NAV3: variants seen among roughly 807,000 people sequenced by gnomAD.
The protein encoded by NAV3 is pore membrane and/or filament interacting like protein 1.
A neutral mutation model predicts 244.7 loss-of-function variants in NAV3; 87 were observed. That is an observed-to-expected ratio of 0.36 (90% CI 0.30 to 0.42). The LOEUF is 0.42. NAV3 is among the 20% of genes least tolerant of loss of function. NAV3 has a pLI of 1.00. For synonymous variants in NAV3, 1,126 were observed against 1,042.2 expected, an observed-to-expected ratio of 1.08 and a Z score of -1.55; for missense variants, 2,663 against 2,893.3, an observed-to-expected ratio of 0.92 and a Z score of 1.83.
chr12:77,767,044 G>A (rs917313113), intron 2 of NAV3, among the ~76,000 whole-genome samples: 3 of 152,048 alleles, frequency 2.0e-5, no homozygotes, highest in African/African-American at 4.8e-5. Flanking sequence ...GAGCCACTGT[G>A]CCCAGCCAAG....
In NAV3 at chr12:77,766,735, G is replaced by GTTTTTTTTT. The variant is rs748531378; in HGVS notation, c.73-173556_73-173548dup. ...AGGATTCTAAAAAACAGGCAATTAA[G>GTTTTTTTTT]TTTTTTTTTTTTTTTTTTTTTTTTT... On this transcript the variant is annotated intron_variant, in intron 2 of 8. Transcript: ENST00000550042. Among the ~76,000 whole-genome samples, 210 of 60,476 alleles carry GTTTTTTTTT rather than the reference G, an allele frequency of 3.5e-3. 25 individuals carry two copies. The highest frequency in any genetic ancestry group is 3.7e-3 in the African/African-American group (58 of 15,828). The allele number at this position is 60,476 out of a possible 152,430, so 39.7% of individuals were successfully genotyped here. A position where few individuals can be genotyped will look rare whatever the true frequency, so the allele number is the denominator to read the frequency against.
Position 77,705,327 on chromosome 12 carries a change from C to T in NAV3, c.72+133061C>T, listed in dbSNP as rs893852253. On this transcript the variant is annotated intron_variant, in intron 2 of 8. Transcript: ENST00000550042. ...TCTAACTATTTGGGAGGCTGAGGCA[C>T]AAGAATCGCTTGAATCCAGGAGGTG... Among the ~76,000 whole-genome samples the T allele has an allele frequency of 2.6e-5, 4 of 151,160 alleles. 1 individual carries two copies. Among genetic ancestry groups the T allele is most frequent in the African/African-American group, 9.8e-5 (4 of 40,714 alleles).
At chr12:78,154,298 AC>A (rs1957204430) in intron 22 of NAV3, among the ~76,000 whole-genome samples, 1 of 78,204 alleles carries the variant, frequency 1.3e-5, no homozygotes, top group African/African-American at 4.4e-5. Flanking sequence ...ACTATATATT[AC>A]TATATAATAT....
rs1014163890 is a variant in NAV3 at position 77,808,780 on chromosome 12, C to T, written c.73-131539C>T. Among the ~76,000 whole-genome samples, 87 of 152,286 alleles carry T rather than the reference C, an allele frequency of 5.7e-4. 1 individual carries two copies. Among genetic ancestry groups the T allele is most frequent in the African/African-American group, 2.0e-3 (85 of 41,554 alleles). ...TCTGCTGAAGTTGTGCCCATAGCCC[C>T]CGCTTCCACCAGGTGCTCTTTCCCA... is the stretch of plus-strand genomic sequence containing the variant. On this transcript the variant is annotated intron_variant, in intron 2 of 8. Coordinates refer to the NAV3 transcript ENST00000550042.
rs147053599 is a variant in NAV3, at chr12:78,172,122, A to C, written c.4982-3184A>C. ...TTTGTGATAAGAAATTTGAAAGTTG[A>C]AGGTAATAGAAAATTTTACCTTTAT... On this transcript the variant is annotated intron_variant, in intron 24 of 39. Coordinates refer to ENST00000397909, the MANE Select transcript of NAV3 (RefSeq NM_001024383.2). Among the ~76,000 whole-genome samples the C allele has an allele frequency of 9.1e-4, 138 of 151,782 alleles. 1 individual carries two copies. Among genetic ancestry groups the C allele is most frequent in the African/African-American group, 3.2e-3 (134 of 41,520 alleles).
chr12:77,955,827 G>A (rs1891308409), intron 3 of NAV3, among the ~76,000 whole-genome samples: 1 of 152,054 alleles, frequency 6.6e-6, no homozygotes, highest in Admixed American at 6.6e-5. Flanking sequence ...CCAAGATTGT[G>A]CTACTGCATG....
chr12:77,806,403 C>T (rs913505338), intron 2 of NAV3, among the ~76,000 whole-genome samples: 1 of 152,152 alleles, frequency 6.6e-6, no homozygotes, highest in Non-Finnish European at 1.5e-5. Flanking sequence ...TTATTTATTT[C>T]TGCCTTCATT....
intron 36 of NAV3, 23 bp downstream of exon 36, chr12:78,198,699 T>A (rs1335904835): frequency 1.9e-5 from 28 of 1,486,826 alleles, no homozygotes; most frequent in Non-Finnish European, 2.5e-5. Flanking sequence ...TGAAGGTTTT[T>A]TTGTTTTGTT....
chr12:78,061,359 T>C (rs1219118657), intron 12 of NAV3, among the ~76,000 whole-genome samples: 3 of 152,188 alleles, frequency 2.0e-5, no homozygotes, highest in Non-Finnish European at 2.9e-5. Flanking sequence ...ATGAGAATAT[T>C]GATATGTTAG....
At chr12:77,715,072 G>A (rs17044158) in intron 2 of NAV3, among the ~76,000 whole-genome samples, 3,790 of 152,076 alleles carry the variant, frequency 0.025, 88 homozygotes, top group African/African-American at 0.06. Context: ...TCCCATTGAA[G>A]TTGTAAAAGC....
rs367546954 is a variant in NAV3 at position 78,059,123 on chromosome 12, T to C, written c.2636+8T>C. ...GACAGTGGATGCAGACAGGTAATGC[T>C]ATCAGCATATATGATGGTGAGACAT... On this transcript the variant is annotated splice_region_variant and intron_variant, in intron 12 of 39. Transcript: ENST00000397909. 10 of 1,608,676 alleles carry C rather than the reference T, an allele frequency of 6.2e-6. No individual in the cohort carries two copies. Among genetic ancestry groups the C allele is most frequent in the Non-Finnish European group, 8.5e-6 (10 of 1,177,720 alleles).
At chr12:77,671,659 G>A (rs1169632918) in intron 2 of NAV3, among the ~76,000 whole-genome samples, 1 of 152,078 alleles carries the variant, frequency 6.6e-6, no homozygotes, top group African/African-American at 2.4e-5. Flanking sequence ...AACGCAGAGT[G>A]GGGAAAGGAC....
At chr12:77,584,496 G>A (rs1351831212) in intron 2 of NAV3, among the ~76,000 whole-genome samples, 1 of 151,946 alleles carries the variant, frequency 6.6e-6, no homozygotes, top group Non-Finnish European at 1.5e-5. Context: ...TTATGGGTAT[G>A]CTGTCTTTAC....
intron 2 of NAV3, 70 bp from the exon 3 acceptor site, chr12:77,941,011 G>A (rs1255243959): frequency 9.4e-6 from 9 of 957,910 alleles, no homozygotes; most frequent in Non-Finnish European, 1.5e-5. Flanking sequence ...GTTTTCGTGT[G>A]TGTGTTTCAC....
chr12:77,940,370 C>T lies in NAV3; in HGVS notation c.295C>T (p.Leu99=), dbSNP rs1889752364. 1.9e-6 allele frequency: 3 copies of T among 1,613,798 alleles called. No individual in the cohort carries two copies. The Admixed American group carries it at 5.0e-5, about 27-fold the overall frequency. Reference sequence around the variant, plus strand: ...CCTAGCAAAATCAGGCCACAAGCGGCTGATCAAGGACTTGCAACAAGACAT... The same window carrying T: ...CCTAGCAAAATCAGGCCACAAGCGGTTGATCAAGGACTTGCAACAAGACAT... ...HYLAKSGHKR[L]IKDLQQDIAD... Residue 99 remains leucine (L), a synonymous_variant, in exon 2 of 40, where the codon CTG becomes TTG. Transcript: ENST00000397909.
intron 2 of NAV3, among the ~76,000 whole-genome samples, chr12:77,672,583 A>G (rs1874029173): frequency 6.6e-6 from 1 of 152,030 alleles, no homozygotes. Context: ...GCTGAGTAGT[A>G]TTCCATGGTG....
chr12:77,753,714 T>G (rs1386164727), intron 2 of NAV3, among the ~76,000 whole-genome samples: 1 of 152,168 alleles, frequency 6.6e-6, no homozygotes, highest in Non-Finnish European at 1.5e-5. Flanking sequence ...AATCATTGCT[T>G]TTTAAGAAAT....
In NAV3 at chr12:77,998,460, A is replaced by G; in HGVS notation, c.864A>G (p.Ala288=). Residue 288 remains alanine (A), a synonymous_variant, in exon 7 of 40, where the codon GCA becomes GCG. Transcript: ENST00000397909. The part of the protein sequence containing the change: ...SIDKNKPPNY[A]NGNEKDSSKG... ...ACAAAAACAAGCCTCCAAATTATGC[A>G]AATGGAAACGAAAAAGGTAAGTGTT... is the stretch of plus-strand genomic sequence containing the variant. 6.2e-7 allele frequency: 1 copy of G among 1,604,340 alleles called. No individual in the cohort carries two copies. The highest frequency in any genetic ancestry group is 2.2e-5 in the East Asian group (1 of 44,542).
intron 8 of NAV3, among the ~76,000 whole-genome samples, chr12:78,015,710 G>T (rs1345939392): frequency 6.6e-6 from 1 of 152,020 alleles, no homozygotes; most frequent in Non-Finnish European, 1.5e-5. Flanking sequence ...TTGAGACTGT[G>T]TGTAAAAACG....
Sources: gnomAD v4.1 joint callset for allele counts (sites outside exome capture counted in the v4.1 genomes callset) on GRCh38, gnomAD v4.1.1 for gene constraint, MANE v1.5 for transcripts, NCBI Gene and HGNC (gene_info 2026-07-23, HGNC 2026-07-21) for gene names.